The following ULK4 variants were observed in gnomAD, a reference collection of about 807,000 sequenced individuals.
The protein encoded by ULK4 is unc-51 like kinase 4.
In ULK4, 133 loss-of-function variants were observed where a neutral mutation model predicts 160.6. The observed-to-expected ratio is 0.83, with a 90% CI of 0.72 to 0.96. The LOEUF (loss-of-function observed/expected upper bound fraction) is 0.96, where lower values mean the gene tolerates loss of function less well. Ranked by LOEUF, ULK4 falls within the 40% of genes least tolerant of loss-of-function variation. ULK4 has a pLI of 0.00. For synonymous variants in ULK4, 534 were observed against 539.8 expected, an observed-to-expected ratio of 0.99 and a Z score of 0.15; for missense variants, 1,580 against 1,499.5, an observed-to-expected ratio of 1.05 and a Z score of -0.89.
At chr3:41,479,473 C>T (rs7643481) in intron 32 of ULK4, among the ~76,000 whole-genome samples, 1,696 of 152,190 alleles carry the variant, frequency 0.011, 34 homozygotes, top group African/African-American at 0.035. Context: ...TGATGATCAA[C>T]GGGAAGGCAG....
At chr3:41,484,660 G>T (rs1039502107) in intron 32 of ULK4, among the ~76,000 whole-genome samples, 3 of 152,040 alleles carry the variant, frequency 2.0e-5, no homozygotes, top group Admixed American at 2.0e-4. Flanking sequence ...CACCGTGTTA[G>T]CCAGGATGGT....
At chr3:41,247,638 G>C (rs1405881781) in intron 36 of ULK4, among the ~76,000 whole-genome samples, 1 of 152,186 alleles carries the variant, frequency 6.6e-6, no homozygotes, top group Non-Finnish European at 1.5e-5. Context: ...TAAAAGATGT[G>C]GGTGGCAGTG....
rs1414112496 is a variant in ULK4 at position 41,896,802 on chromosome 3, G to A, written c.1530+20C>T. 3 of 1,596,792 alleles carry A rather than the reference G, an allele frequency of 1.9e-6. No individual in the cohort carries two copies. The highest frequency in any genetic ancestry group is 2.6e-6 in the Non-Finnish European group (3 of 1,173,382). On this transcript the variant is annotated intron_variant, in intron 15 of 36. Transcript: ENST00000301831. ...TAAAAACACAAATTAAAATGCATAA[G>A]GCATGTCACACAGGCTTACCAGGGG...
intron 17 of ULK4, among the ~76,000 whole-genome samples, chr3:41,847,203 C>T (rs2042090323): frequency 1.3e-5 from 2 of 151,938 alleles, no homozygotes; most frequent in African/African-American, 2.4e-5. Context: ...TCTCATATGC[C>T]CTGGACTGCA....
chr3:41,526,694 G>C (rs1204818944), intron 32 of ULK4, among the ~76,000 whole-genome samples: 1 of 152,152 alleles, frequency 6.6e-6, no homozygotes, highest in Non-Finnish European at 1.5e-5. Context: ...GGGGGTGGAG[G>C]GGAGATATAT....
At chr3:41,574,100 C>T (rs1360112714) in intron 31 of ULK4, among the ~76,000 whole-genome samples, 1 of 151,794 alleles carries the variant, frequency 6.6e-6, no homozygotes, top group African/African-American at 2.4e-5. Context: ...AATTGCTTGA[C>T]CTCAAAAGGC....
intron 20 of ULK4, among the ~76,000 whole-genome samples, chr3:41,793,669 A>G (rs2040214660): frequency 6.6e-6 from 1 of 152,194 alleles, no homozygotes; most frequent in South Asian, 2.1e-4. Flanking sequence ...TCAGCACTTC[A>G]GTAATTATGA....
At chr3:41,502,109 T>G (rs1422759071) in intron 32 of ULK4, among the ~76,000 whole-genome samples, 2 of 152,240 alleles carry the variant, frequency 1.3e-5, no homozygotes, top group Non-Finnish European at 2.9e-5. Flanking sequence ...GATGGACATT[T>G]AAATTGATTC....
At chr3:41,414,255 T>C (rs2082477043) in intron 34 of ULK4, among the ~76,000 whole-genome samples, 1 of 152,206 alleles carries the variant, frequency 6.6e-6, no homozygotes, top group African/African-American at 2.4e-5. Flanking sequence ...CGGCATCTTG[T>C]ATTTTCTGTC....
intron 25 of ULK4, among the ~76,000 whole-genome samples, chr3:41,706,093 C>T (rs2036867024): frequency 6.6e-6 from 1 of 151,972 alleles, no homozygotes; most frequent in Non-Finnish European, 1.5e-5. Flanking sequence ...CTTATCTGCG[C>T]TCCCATGCAC....
chr3:41,329,202 T>C (rs2080394957), intron 35 of ULK4, among the ~76,000 whole-genome samples: 1 of 152,200 alleles, frequency 6.6e-6, no homozygotes, highest in Non-Finnish European at 1.5e-5. Context: ...TTCATCCAAG[T>C]TGCTGCAACG....
At chr3:41,351,206 GA>G in intron 35 of ULK4, among the ~76,000 whole-genome samples, 1 of 152,268 alleles carries the variant, frequency 6.6e-6, no homozygotes, top group South Asian at 2.1e-4. Context: ...TATACCCCCT[GA>G]AAAAGCTGGT....
intron 31 of ULK4, among the ~76,000 whole-genome samples, chr3:41,595,389 G>A (rs1356688371): frequency 6.6e-6 from 1 of 152,156 alleles, no homozygotes; most frequent in African/African-American, 2.4e-5. Flanking sequence ...AGCCTCTCGG[G>A]GCACTGAGCA....
chr3:41,302,878 T>C (rs2079827531), intron 35 of ULK4, among the ~76,000 whole-genome samples: 1 of 152,186 alleles, frequency 6.6e-6, no homozygotes. Context: ...ACAAGTTTAT[T>C]TAAATGTTCA....
intron 14 of ULK4, among the ~76,000 whole-genome samples, chr3:41,898,194 A>G (rs1188694158): frequency 6.6e-6 from 1 of 152,234 alleles, no homozygotes; most frequent in Non-Finnish European, 1.5e-5. Context: ...CCAGATCTAC[A>G]GGAACCTCCC....
chr3:41,702,762 T>TAATAGTAATAG (rs2036720484), intron 27 of ULK4, among the ~76,000 whole-genome samples: 1 of 151,172 alleles, frequency 6.6e-6, no homozygotes, highest in Non-Finnish European at 1.5e-5. Context: ...GATAAATTCA[T>TAATAGTAATAG]AATAGTAATA....
intron 32 of ULK4, among the ~76,000 whole-genome samples, chr3:41,493,724 C>A (rs185825324): frequency 0.024 from 3,564 of 150,312 alleles, 144 homozygotes; most frequent in African/African-American, 0.081. Flanking sequence ...CAAATAGATG[C>A]AATAAAAAAT....
At chr3:41,794,686 A>AAAAAAAAAAAAAAAAAAAAAAAC (rs1553654814) in intron 20 of ULK4, among the ~76,000 whole-genome samples, 5 of 112,382 alleles carry the variant, frequency 4.4e-5, no homozygotes, top group African/African-American at 2.1e-4. Flanking sequence ...AAAAAAAAAA[A>AAAAAAAAAAAAAAAAAAAAAAAC]CACAGAAAAA....
rs1352290881 is a variant in ULK4, at chr3:41,906,085, C to T, written c.1182+1760G>A. Among the ~76,000 whole-genome samples the T allele has an allele frequency of 2.0e-5, 3 of 151,974 alleles. No homozygotes were observed. The East Asian group carries it at 5.8e-4, about 29-fold the overall frequency. ...ACAAAAAATTAGCTGGGCATGGTGGCAGGCGCCTGTAGTCCCAGCTACTCG... is the reference window on the plus strand; with the variant it reads ...ACAAAAAATTAGCTGGGCATGGTGGTAGGCGCCTGTAGTCCCAGCTACTCG... On this transcript the variant is annotated intron_variant, in intron 12 of 36. Transcript: ENST00000301831.
Sources: allele counts gnomAD v4.1 joint callset (sites outside exome capture counted in the v4.1 genomes callset), GRCh38; gene constraint gnomAD v4.1.1; transcripts MANE v1.5; gene names NCBI Gene and HGNC (gene_info 2026-07-23, HGNC 2026-07-21).